The following ADAT3 variants were observed in gnomAD, a reference collection of about 807,000 sequenced individuals.
ADAT3 encodes tRNA-specific adenosine-34 deaminase regulatory subunit ADAT3.
ADAT3 carries 2 observed loss-of-function variants against 3.5 expected under a neutral mutation model. The observed-to-expected ratio is 0.57, with a 90% CI of 0.23 to 1.79. The LOEUF (loss-of-function observed/expected upper bound fraction) is 1.79, where lower values mean the gene tolerates loss of function less well. Among genes scored for constraint, ADAT3 ranks in the 40% most tolerant of loss-of-function variants. The pLI, the probability that ADAT3 is intolerant of heterozygous loss-of-function variation, is 0.18. For missense variants in ADAT3, 735 were observed against 571.4 expected (o/e 1.29, Z -2.92); for synonymous variants, 358 against 270.3 (o/e 1.32, Z -3.18).
In ADAT3 at chr19:1,912,044, C is replaced by T; in HGVS notation, c.-4C>T. ...GCTCTCCCCCAGCCGCCCGCAGCCG[C>T]CGGATGATCCTCTGCTCCCGTCTCT... is the stretch of plus-strand genomic sequence containing the variant. On this transcript the variant is annotated 5_prime_UTR_variant, in exon 2 of 2. Transcript: ENST00000329478. 10 of 1,416,514 alleles carry T rather than the reference C, an allele frequency of 7.1e-6. No individual in the cohort carries two copies. Among genetic ancestry groups the T allele is most frequent in the Non-Finnish European group, 9.2e-6 (10 of 1,091,570 alleles). 87.7% of individuals were successfully genotyped at this position (1,416,514 alleles called of 1,614,324 possible).
chr19:1,911,545 T>C (rs2013447839), intron 1 of ADAT3, among the ~76,000 whole-genome samples: 1 of 152,126 alleles, frequency 6.6e-6, no homozygotes, highest in African/African-American at 2.4e-5. Flanking sequence ...CACCACCAGG[T>C]TGAAGCGGGT....
chr19:1,907,541 GTT>G (rs2013195372), intron 1 of ADAT3, among the ~76,000 whole-genome samples: 1 of 152,180 alleles, frequency 6.6e-6, no homozygotes, highest in Non-Finnish European at 1.5e-5. Context: ...GACTGGGTGT[GTT>G]TTCTGGGTGG....
At position 1,909,947 on chromosome 19, in the gene ADAT3, G is replaced by A. The variant is rs1036692199; in HGVS notation, c.-158-1943G>A. 3.3e-5 allele frequency among the ~76,000 whole-genome samples: 5 copies of A among 152,230 alleles called. No individual in the cohort carries two copies. In the South Asian group the frequency reaches 8.3e-4, roughly 25 times the overall value. ...GTCTCTCTTTTCCTAGCCCTTGGCCGACTAGGGGGCGAGTGTTTACAGAAA... is the reference window on the plus strand; with the variant it reads ...GTCTCTCTTTTCCTAGCCCTTGGCCAACTAGGGGGCGAGTGTTTACAGAAA... On this transcript the variant is annotated intron_variant, in intron 1 of 1. Transcript: ENST00000329478.
Position 1,911,897 on chromosome 19 carries a change from C to A in ADAT3, c.-151C>A. On this transcript the variant is annotated 5_prime_UTR_variant, in exon 2 of 2. Transcript: ENST00000329478. Reference sequence around the variant, plus strand: ...AAACTCTGTGCACACCAGGGGTTAGCAGGACATGAGGGAGTGTAGCTCTGA... The same window carrying A: ...AAACTCTGTGCACACCAGGGGTTAGAAGGACATGAGGGAGTGTAGCTCTGA... The A allele has an allele frequency of 1.0e-6, 1 of 972,888 alleles. No individual in the cohort carries two copies. The highest frequency in any genetic ancestry group is 1.4e-6 in the Non-Finnish European group (1 of 716,102). 60.3% of individuals were successfully genotyped at this position (972,888 alleles called of 1,614,324 possible).
chr19:1,912,786 C>G lies in ADAT3; in HGVS notation c.739C>G (p.Leu247Val), dbSNP rs1196409855. 5.7e-6 allele frequency: 9 copies of G among 1,570,592 alleles called. No individual in the cohort carries two copies. In the East Asian group the frequency reaches 1.9e-4, roughly 33 times the overall value. ...LLHAVMVCVD[L>V]VARGQGRGTY... ...GCACGCCGTCATGGTGTGCGTGGAC[C>G]TCGTGGCGCGCGGCCAGGGCCGCGG... Residue 247 changes from leucine to valine, a missense_variant, in exon 2 of 2, where the codon CTC (leucine) becomes GTC (valine). Coordinates refer to ENST00000329478, the MANE Select transcript of ADAT3 (RefSeq NM_138422.4).
At position 1,908,543 on chromosome 19, in the gene ADAT3, C is replaced by T. The variant is rs2013264126; in HGVS notation, c.-159+3104C>T. The T allele has an allele frequency of 2.1e-6, 1 of 471,186 alleles. No homozygotes were observed. Among genetic ancestry groups the T allele is most frequent in the Non-Finnish European group, 4.4e-6 (1 of 227,050 alleles). 29.2% of individuals were successfully genotyped at this position (471,186 alleles called of 1,614,324 possible). ...GTAGTCCAGGCTGGCAGTTCAGGAT[C>T]ACCCGGCTGGAGTCATTTTAAGATC... is the stretch of plus-strand genomic sequence containing the variant. On this transcript the variant is annotated intron_variant, in intron 1 of 1. Transcript: ENST00000329478. The surrounding 1 kb of genome is among the most constrained non-coding windows in gnomAD (Gnocchi z 4.2).
Position 1,912,506 on chromosome 19 carries a change from C to A in ADAT3, c.459C>A (p.Gly153=), listed in dbSNP as rs916948926. 2.0e-6 allele frequency: 3 copies of A among 1,495,552 alleles called. No homozygotes were observed. Among genetic ancestry groups the A allele is most frequent in the African/African-American group, 2.9e-5 (2 of 68,598 alleles). 92.6% of individuals were successfully genotyped at this position (1,495,552 alleles called of 1,614,324 possible). Residue 153 remains glycine, a synonymous_variant, in exon 2 of 2, where the codon GGC becomes GGA. Coordinates refer to ENST00000329478, the MANE Select transcript of ADAT3 (RefSeq NM_138422.4). ...PVPARPPLTR[G]QFEEARAHWP... ...CCGCCCGGCCGCCTCTGACCAGGGG[C>A]CAGTTCGAGGAGGCCCGGGCCCACT...
At chr19:1,905,495 G>T (rs1437253925) in intron 1 of ADAT3, 56 bp downstream of exon 1, 1 of 434,580 alleles carries the variant, frequency 2.3e-6, no homozygotes, top group Non-Finnish European at 4.8e-6. Context: ...CCCCAGAGGG[G>T]GAGTAGGGGC....
chr19:1,912,461 A>C lies in ADAT3; in HGVS notation c.414A>C (p.Gln138His). The change falls in exon 2 of 2, where the codon CAA (glutamine) becomes CAC (histidine). Residue 138 changes from glutamine to histidine, a missense_variant. Coordinates refer to ENST00000329478, the MANE Select transcript of ADAT3 (RefSeq NM_138422.4). Reference protein sequence around the residue: ...RPAVDPRGLGQPFLVPVPARP... With the variant: ...RPAVDPRGLGHPFLVPVPARP... ...CTGTGGACCCCCGCGGCCTGGGGCA[A>C]CCCTTCCTGGTGCCCGTGCCCGCCC... 6.6e-7 allele frequency: 1 copy of C among 1,504,918 alleles called. No homozygotes were observed. Among genetic ancestry groups the C allele is most frequent in the Non-Finnish European group, 8.8e-7 (1 of 1,134,082 alleles). The allele number at this position is 1,504,918 out of a possible 1,614,324, so 93.2% of individuals were successfully genotyped here.
At position 1,912,018 on chromosome 19, in the gene ADAT3, G is replaced by A. The variant is rs1197985481; in HGVS notation, c.-30G>A. ...CACGGCCTCCCGGGACGGACTCCCC[G>A]GCTCTCCCCCAGCCGCCCGCAGCCG... On this transcript the variant is annotated 5_prime_UTR_variant, in exon 2 of 2. Coordinates refer to ENST00000329478, the MANE Select transcript of ADAT3 (RefSeq NM_138422.4). The A allele has an allele frequency of 7.8e-6, 11 of 1,418,166 alleles. No individual in the cohort carries two copies. Among genetic ancestry groups the A allele is most frequent in the South Asian group, 1.5e-5 (1 of 65,614 alleles). The allele number at this position is 1,418,166 out of a possible 1,614,324, so 87.8% of individuals were successfully genotyped here. A position where few individuals can be genotyped will look rare whatever the true frequency, so the allele number is the denominator to read the frequency against.
chr19:1,912,308 C>G lies in ADAT3; in HGVS notation c.261C>G (p.Ala87=), dbSNP rs748075181. 2 of 1,559,846 alleles carry G rather than the reference C, an allele frequency of 1.3e-6. No homozygotes were observed. The highest frequency in any genetic ancestry group is 1.2e-5 in the South Asian group (1 of 84,204). The part of the protein sequence containing the change: ...KEVSALHPLP[A]QPHLKRVRPS... ...TGTCGGCCCTGCACCCGCTCCCCGC[C>G]CAGCCTCACCTCAAGCGGGTGCGGC... Residue 87 remains alanine (A), a synonymous_variant, in exon 2 of 2, where the codon GCC becomes GCG. Coordinates refer to ENST00000329478, the MANE Select transcript of ADAT3 (RefSeq NM_138422.4).
rs2013217874 is a variant in ADAT3, at chr19:1,907,854, G to A, written c.-159+2415G>A. On this transcript the variant is annotated intron_variant, in intron 1 of 1. Transcript: ENST00000329478. ...CGCTGTGGGAGTGAGTCGTCCCCCC[G>A]GGCCATAGCAGGTAGGTAGGAGGTG... 2.6e-5 allele frequency among the ~76,000 whole-genome samples: 4 copies of A among 152,210 alleles called. No individual in the cohort carries two copies. In the South Asian group the frequency reaches 8.3e-4, roughly 32 times the overall value.
In ADAT3 at chr19:1,912,166, C is replaced by A; in HGVS notation, c.119C>A (p.Ala40Glu). ...GCCGGGAGCCCGGAGCCTGAGCCGGCGCCGTGGCAGGCCCTCCCTGTCCTG... is the reference window on the plus strand; with the variant it reads ...GCCGGGAGCCCGGAGCCTGAGCCGGAGCCGTGGCAGGCCCTCCCTGTCCTG... The part of the protein sequence containing the change: ...LEAGSPEPEP[A>E]PWQALPVLSE... Residue 40 changes from alanine to glutamate, a missense_variant, in exon 2 of 2, where the codon GCG becomes GAG. By Grantham distance (107) the Ala-to-Glu change is moderately radical (BLOSUM62 -1). Transcript: ENST00000329478. 6.4e-7 allele frequency: 1 copy of A among 1,572,160 alleles called. No individual in the cohort carries two copies. Among genetic ancestry groups the A allele is most frequent in the Non-Finnish European group, 8.6e-7 (1 of 1,163,988 alleles).
In ADAT3 at chr19:1,913,096, A is replaced by C; in HGVS notation, c.1049A>C (p.Gln350Pro). 1 of 1,598,758 alleles carries C rather than the reference A, an allele frequency of 6.3e-7. No homozygotes were observed. Among genetic ancestry groups the C allele is most frequent in the Non-Finnish European group, 8.5e-7 (1 of 1,177,158 alleles). Residue 350 changes from glutamine to proline, a missense_variant, in exon 2 of 2, where the codon CAG becomes CCG. Gln to Pro is a moderately conservative substitution (Grantham distance 76). Coordinates refer to ENST00000329478, the MANE Select transcript of ADAT3 (RefSeq NM_138422.4). ...HARPDLNHRF[Q>P]VFRGVLEEQC... ...CGGCCCGACCTCAACCACCGCTTCCAGGTGTTCCGCGGGGTGCTGGAGGAG... is the reference window on the plus strand; with the variant it reads ...CGGCCCGACCTCAACCACCGCTTCCCGGTGTTCCGCGGGGTGCTGGAGGAG...
Position 1,908,158 on chromosome 19 carries a change from T to C in ADAT3, c.-159+2719T>C, listed in dbSNP as rs1259656921. Reference sequence around the variant, plus strand: ...CGGTCCTGGTCGCGCGTGGTGTGCGTTTTGGGAGGGCCCAGCGAGTCGGCT... The same window carrying C: ...CGGTCCTGGTCGCGCGTGGTGTGCGCTTTGGGAGGGCCCAGCGAGTCGGCT... On this transcript the variant is annotated intron_variant, in intron 1 of 1. Transcript: ENST00000329478. The surrounding 1 kb of genome is among the most constrained non-coding windows in gnomAD (Gnocchi z 4.2). 3.8e-6 allele frequency: 1 copy of C among 260,954 alleles called. No individual in the cohort carries two copies. The highest frequency in any genetic ancestry group is 3.6e-5 in the South Asian group (1 of 27,954). 16.2% of individuals were successfully genotyped at this position (260,954 alleles called of 1,614,324 possible). A position where few individuals can be genotyped will look rare whatever the true frequency, so the allele number is the denominator to read the frequency against.
rs753028788 is a variant in ADAT3, at chr19:1,912,933, A to G, written c.886A>G (p.Thr296Ala). The G allele has an allele frequency of 1.9e-6, 3 of 1,610,310 alleles. No individual in the cohort carries two copies. In the South Asian group the frequency reaches 3.3e-5, roughly 18 times the overall value. Reference sequence around the variant, plus strand: ...CGAGGACGGCCTCCCCTACCTGTGCACTGGCTACGACCTGTACGTGACCCG... The same window carrying G: ...CGAGGACGGCCTCCCCTACCTGTGCGCTGGCTACGACCTGTACGTGACCCG... The part of the protein sequence containing the change: ...ADEDGLPYLC[T>A]GYDLYVTREP... The change falls in exon 2 of 2, where the codon ACT (threonine) becomes GCT (alanine). Residue 296 changes from threonine (T) to alanine (A), a missense_variant. By Grantham distance (58) the Thr-to-Ala change is moderately conservative (BLOSUM62 0). Coordinates refer to ENST00000329478, the MANE Select transcript of ADAT3 (RefSeq NM_138422.4).
At chr19:1,907,391 TAAAAAA>T (rs111426560) in intron 1 of ADAT3, among the ~76,000 whole-genome samples, 1 of 137,344 alleles carries the variant, frequency 7.3e-6, no homozygotes, top group African/African-American at 2.7e-5. Flanking sequence ...AGCCCTGCCT[TAAAAAA>T]AAAAAAAAGG....
In ADAT3 at chr19:1,912,896, A is replaced by G; in HGVS notation, c.849A>G (p.Lys283=). ...CCGTCCGCGCAGGCGCCGTGCGTAA[A>G]CTGGACGCAGACGAGGACGGCCTCC... ...PQAVRAGAVR[K]LDADEDGLPY... The change falls in exon 2 of 2, where the codon AAA becomes AAG. Residue 283 remains lysine (K), a synonymous_variant. Transcript: ENST00000329478. 1 of 1,607,980 alleles carries G rather than the reference A, an allele frequency of 6.2e-7. No individual in the cohort carries two copies.
At position 1,912,744 on chromosome 19, in the gene ADAT3, G is replaced by A. The variant is rs1465330129; in HGVS notation, c.697G>A (p.Ala233Thr). Residue 233 changes from alanine to threonine, a missense_variant, in exon 2 of 2, where the codon GCG (alanine) becomes ACG (threonine). Ala to Thr is a moderately conservative substitution (Grantham distance 58). Coordinates refer to ENST00000329478, the MANE Select transcript of ADAT3 (RefSeq NM_138422.4). Reference sequence around the variant, plus strand: ...GGCCACCGGCCACGACTGCAGCTGCGCGGACAACCCCCTCCTGCACGCCGT... The same window carrying A: ...GGCCACCGGCCACGACTGCAGCTGCACGGACAACCCCCTCCTGCACGCCGT... Reference protein sequence around the residue: ...VLATGHDCSCADNPLLHAVMV... With the variant: ...VLATGHDCSCTDNPLLHAVMV... 5 of 1,543,954 alleles carry A rather than the reference G, an allele frequency of 3.2e-6. No individual in the cohort carries two copies. The highest frequency in any genetic ancestry group is 3.8e-5 in the Admixed American group (2 of 52,736).
Sources: allele counts gnomAD v4.1 joint callset (sites outside exome capture counted in the v4.1 genomes callset), GRCh38; gene constraint gnomAD v4.1.1; non-coding constraint Gnocchi (gnomAD v3.1); transcripts MANE v1.5; gene names NCBI Gene and HGNC (gene_info 2026-07-23, HGNC 2026-07-21).